Variants in MTUS2 observed in about 807,000 individuals in gnomAD.
MTUS2 encodes microtubule associated scaffold protein 2.
MTUS2 carries 40 observed loss-of-function variants against 114.1 expected under a neutral mutation model. The ratio of observed to expected loss-of-function variants is 0.35; its 90% CI spans 0.27 to 0.46. The LOEUF is 0.46. Ranked by LOEUF, MTUS2 falls within the 20% of genes least tolerant of loss-of-function variation. MTUS2 has a pLI of 1.00. For synonymous variants in MTUS2, 688 were observed against 672.0 expected, an observed-to-expected ratio of 1.02 and a Z score of -0.37; for missense variants, 1,679 against 1,705.4, an observed-to-expected ratio of 0.98 and a Z score of 0.27.
At chr13:28,943,310 A>G (rs1882346085) in intron 2 of MTUS2, among the ~76,000 whole-genome samples, 2 of 152,210 alleles carry the variant, frequency 1.3e-5, no homozygotes, top group Non-Finnish European at 1.5e-5. Flanking sequence ...CTGCTCGTGT[A>G]TCTGGCATTG....
chr13:29,282,004 C>G lies in MTUS2; in HGVS notation c.2806+139C>G. On this transcript the variant is annotated intron_variant, in intron 6 of 15. Transcript: ENST00000612955. ...ATGATAGTTAGTAACAATAATACCA[C>G]TGCTTTTAAGGCACTTTCATATATT... 2 of 974,800 alleles carry G rather than the reference C, an allele frequency of 2.1e-6. 1 individual carries two copies. The highest frequency in any genetic ancestry group is 4.8e-5 in the South Asian group (2 of 42,018). 60.4% of individuals were successfully genotyped at this position (974,800 alleles called of 1,614,324 possible). A position where few individuals can be genotyped will look rare whatever the true frequency, so the allele number is the denominator to read the frequency against.
chr13:29,359,218 G>C (rs1870018202), intron 7 of MTUS2, 44 bp from the exon 8 acceptor site: 1 of 1,528,566 alleles, frequency 6.5e-7, no homozygotes, highest in South Asian at 1.2e-5. Flanking sequence ...TGTGTACTGA[G>C]TGTTTTTTCA....
At position 29,406,450 on chromosome 13, in the gene MTUS2, G is replaced by A. The variant is rs560466766; in HGVS notation, c.3118-33533G>A. 2.0e-5 allele frequency among the ~76,000 whole-genome samples: 3 copies of A among 152,300 alleles called. No individual in the cohort carries two copies. In the East Asian group the frequency reaches 5.8e-4, roughly 29 times the overall value. ...GATCCTTGCTGGCTGTGAACTGGAG[G>A]CTTCAATTCCTCACCACAGGGGCTT... On this transcript the variant is annotated intron_variant, in intron 8 of 15. Coordinates refer to ENST00000612955, the MANE Select transcript of MTUS2 (RefSeq NM_001033602.4).
chr13:29,024,092 A>G (rs1433445327), intron 2 of MTUS2, among the ~76,000 whole-genome samples: 1 of 152,210 alleles, frequency 6.6e-6, no homozygotes, highest in Non-Finnish European at 1.5e-5. Flanking sequence ...GAATGTAGCG[A>G]TTGCAAAATA....
At position 29,438,083 on chromosome 13, in the gene MTUS2, AACTTAC is replaced by A. The variant is rs1164020054; in HGVS notation, c.3118-1895_3118-1890del. Among the ~76,000 whole-genome samples, 11 of 152,344 alleles carry A rather than the reference AACTTAC, an allele frequency of 7.2e-5. No homozygotes were observed. In the East Asian group the frequency reaches 2.1e-3, roughly 29 times the overall value. On this transcript the variant is annotated intron_variant, in intron 8 of 15. Coordinates refer to ENST00000612955, the MANE Select transcript of MTUS2 (RefSeq NM_001033602.4). ...TAAAAGGAAACAGAAATATAATAAC[AACTTAC>A]ACTTGTATGAGCTTGCTAAATGCTG... is the stretch of plus-strand genomic sequence containing the variant.
At chr13:29,181,164 C>T (rs577719417) in intron 5 of MTUS2, among the ~76,000 whole-genome samples, 7 of 152,196 alleles carry the variant, frequency 4.6e-5, no homozygotes, top group African/African-American at 1.4e-4. Context: ...CATATTCTCT[C>T]GATGGGCCCG....
intron 8 of MTUS2, among the ~76,000 whole-genome samples, chr13:29,390,927 C>A (rs1017057288): frequency 6.6e-6 from 1 of 151,734 alleles, no homozygotes; most frequent in Admixed American, 6.6e-5. Context: ...GGACTACAGG[C>A]GCACACCACT....
At chr13:29,210,994 A>G (rs2139281359) in intron 5 of MTUS2, among the ~76,000 whole-genome samples, 1 of 152,108 alleles carries the variant, frequency 6.6e-6, no homozygotes, top group Admixed American at 6.5e-5. Context: ...GGTGGTAAGT[A>G]TTTGGTTTCT....
intron 2 of MTUS2, among the ~76,000 whole-genome samples, chr13:28,950,100 C>A (rs1482355886): frequency 6.6e-6 from 1 of 152,210 alleles, no homozygotes; most frequent in Non-Finnish European, 1.5e-5. Context: ...TTTTCCACAT[C>A]CTTGCCCACA....
At chr13:28,928,199 A>C (rs1268038976) in intron 2 of MTUS2, among the ~76,000 whole-genome samples, 1 of 152,184 alleles carries the variant, frequency 6.6e-6, no homozygotes, top group Non-Finnish European at 1.5e-5. Context: ...GGGTAAAAAA[A>C]AAATTTTGTG....
intron 7 of MTUS2, among the ~76,000 whole-genome samples, chr13:29,333,409 C>T (rs1465534453): frequency 6.6e-6 from 1 of 151,956 alleles, no homozygotes; most frequent in Non-Finnish European, 1.5e-5. Flanking sequence ...GTTGGTCAGG[C>T]TGGTCTCTAA....
chr13:29,122,921 A>G (rs1891371369), intron 5 of MTUS2, among the ~76,000 whole-genome samples: 1 of 152,212 alleles, frequency 6.6e-6, no homozygotes, highest in Non-Finnish European at 1.5e-5. Context: ...TTTTGTGGAC[A>G]ATTTCTAATG....
At chr13:28,856,283 G>A (rs1230297437) in intron 2 of MTUS2, among the ~76,000 whole-genome samples, 1 of 152,226 alleles carries the variant, frequency 6.6e-6, no homozygotes, top group African/African-American at 2.4e-5. Context: ...GCACATTTAG[G>A]CACACTAAGT....
intron 8 of MTUS2, among the ~76,000 whole-genome samples, chr13:29,417,112 G>A (rs1015061416): frequency 1.3e-5 from 2 of 152,204 alleles, no homozygotes; most frequent in African/African-American, 4.8e-5. Context: ...ATCTGTTTCT[G>A]TTTGGCTTTG....
intron 9 of MTUS2, among the ~76,000 whole-genome samples, chr13:29,441,641 G>A (rs1877883834): frequency 6.6e-6 from 1 of 152,008 alleles, no homozygotes; most frequent in African/African-American, 2.4e-5. Context: ...GGAAGCTCCT[G>A]GTACACTCAC....
intron 8 of MTUS2, among the ~76,000 whole-genome samples, chr13:29,430,734 G>A (rs1161214158): frequency 2.6e-5 from 4 of 152,198 alleles, no homozygotes; most frequent in Admixed American, 6.5e-5. Flanking sequence ...TTCACAGGCA[G>A]TATGCCAAAA....
At chr13:29,270,361 C>T (rs564622204) in intron 5 of MTUS2, among the ~76,000 whole-genome samples, 19 of 152,220 alleles carry the variant, frequency 1.2e-4, no homozygotes, top group South Asian at 2.1e-4. Flanking sequence ...GTCTCAGACG[C>T]GGTGGACAGC....
intron 2 of MTUS2, among the ~76,000 whole-genome samples, chr13:29,000,628 A>G (rs943009114): frequency 6.6e-6 from 1 of 152,112 alleles, no homozygotes; most frequent in African/African-American, 2.4e-5. Flanking sequence ...GGCCTCCCAA[A>G]GTGTTAGGAT....
At chr13:28,996,092 G>T (rs141396995) in intron 2 of MTUS2, among the ~76,000 whole-genome samples, 2,693 of 152,250 alleles carry the variant, frequency 0.018, 81 homozygotes, top group African/African-American at 0.061. Context: ...CATTTATTCA[G>T]AGTTTTTAGC....
Sources: allele counts gnomAD v4.1 joint callset (sites outside exome capture counted in the v4.1 genomes callset), GRCh38; gene constraint gnomAD v4.1.1; transcripts MANE v1.5; gene names NCBI Gene and HGNC (gene_info 2026-07-23, HGNC 2026-07-21).